KIAA1549: variants seen among roughly 807,000 people sequenced by gnomAD.
KIAA1549 encodes KIAA1549.
KIAA1549 carries 70 observed loss-of-function variants against 156.4 expected under a neutral mutation model. That is an observed-to-expected ratio of 0.45 (90% confidence interval 0.37 to 0.55). The LOEUF is 0.55. Ranked by LOEUF, KIAA1549 falls within the 20% of genes least tolerant of loss-of-function variation. The pLI is 0.00. For missense variants in KIAA1549, 2,428 were observed against 2,540.9 expected (o/e 0.96, Z 0.96); for synonymous variants, 1,103 against 1,066.4 (o/e 1.03, Z -0.67).
At chr7:138,964,726 A>G (rs1015104604) in intron 1 of KIAA1549, among the ~76,000 whole-genome samples, 1 of 152,238 alleles carries the variant, frequency 6.6e-6, no homozygotes, top group African/African-American at 2.4e-5. Flanking sequence ...GACTGGTCAC[A>G]GCCTGTATTA....
At chr7:138,951,359 GTGGTCCTCTCTCCCT>G (rs1813494438) in intron 1 of KIAA1549, among the ~76,000 whole-genome samples, 1 of 152,126 alleles carries the variant, frequency 6.6e-6, no homozygotes, top group South Asian at 2.1e-4. Context: ...TCAAACATCA[GTGGTCCTCTCTCCCT>G]AGCACAGTTT....
At chr7:138,889,438 G>C (rs182989629) in intron 10 of KIAA1549, among the ~76,000 whole-genome samples, 32 of 152,236 alleles carry the variant, frequency 2.1e-4, no homozygotes, top group Non-Finnish European at 2.8e-4. Context: ...ATGAAACATC[G>C]AGCAGTTAAT....
At chr7:138,888,594 T>A (rs1383107934) in intron 10 of KIAA1549, among the ~76,000 whole-genome samples, 1 of 152,236 alleles carries the variant, frequency 6.6e-6, no homozygotes, top group African/African-American at 2.4e-5. Flanking sequence ...ACTAGTCGAA[T>A]ATTTTTTCCT....
chr7:138,908,082 C>A (rs1159917330), intron 5 of KIAA1549, among the ~76,000 whole-genome samples: 1 of 152,104 alleles, frequency 6.6e-6, no homozygotes, highest in Non-Finnish European at 1.5e-5. Context: ...AGAAAGAGAT[C>A]CCCACAGCTC....
chr7:138,912,188 C>T (rs1812188206), intron 3 of KIAA1549, among the ~76,000 whole-genome samples, 184 bp downstream of exon 3: 1 of 152,178 alleles, frequency 6.6e-6, no homozygotes, highest in South Asian at 2.1e-4. Context: ...TCAGGAAAGA[C>T]CTCCTCGATG....
intron 1 of KIAA1549, among the ~76,000 whole-genome samples, chr7:138,921,283 T>C (rs1287531234): frequency 6.6e-6 from 1 of 152,210 alleles, no homozygotes; most frequent in African/African-American, 2.4e-5. Context: ...CTTTCCCTTT[T>C]CCCTGTTGAA....
intron 1 of KIAA1549, among the ~76,000 whole-genome samples, chr7:138,942,465 C>G (rs983606274): frequency 6.6e-6 from 1 of 151,374 alleles, no homozygotes; most frequent in Non-Finnish European, 1.5e-5. Flanking sequence ...GCACCATGAC[C>G]GCATGGGGAT....
rs1487714135 is a variant in KIAA1549 at position 138,835,608 on chromosome 7, A to T, written c.*2298T>A. The T allele has an allele frequency of 4.5e-6, 1 of 222,910 alleles. No homozygotes were observed. The highest frequency in any genetic ancestry group is 6.5e-5 in the East Asian group (1 of 15,358). 13.8% of individuals were successfully genotyped at this position (222,910 alleles called of 1,614,324 possible). On this transcript the variant is annotated 3_prime_UTR_variant, in exon 20 of 20. Coordinates refer to ENST00000422774, the MANE Select transcript of KIAA1549 (RefSeq NM_001164665.2). ...GGCCATTTATCCCGTTTGCTGTCAC[A>T]CGATTTGAATTCATTACAAGGTGTC...
At chr7:138,953,286 G>A (rs373996948) in intron 1 of KIAA1549, among the ~76,000 whole-genome samples, 1 of 152,178 alleles carries the variant, frequency 6.6e-6, no homozygotes, top group South Asian at 2.1e-4. Flanking sequence ...AACCCGGGAG[G>A]TGGAGGCTGC....
Position 138,917,332 on chromosome 7 carries a change from G to A in KIAA1549, c.2294C>T (p.Ala765Val), listed in dbSNP as rs2130478140. ...GCCGGGGGGCACCAGTGCAGTGACT[G>A]CGGATTCATGGGAAATGAGTGAAGA... ...LESSLISHES[A>V]VTALVPPGSE... The change falls in exon 2 of 20, where the codon GCA becomes GTA. Residue 765 changes from alanine (A) to valine (V), a missense_variant. Physicochemically the swap from Ala to Val is moderately conservative, Grantham distance 64. Transcript: ENST00000422774. The A allele has an allele frequency of 1.9e-6, 3 of 1,613,952 alleles. No homozygotes were observed. Among genetic ancestry groups the A allele is most frequent in the South Asian group, 2.2e-5 (2 of 91,066 alleles).
chr7:138,906,879 G>T, intron 6 of KIAA1549, 40 bp downstream of exon 6: 1 of 1,345,928 alleles, frequency 7.4e-7, no homozygotes, highest in Non-Finnish European at 9.7e-7. Context: ...AAAAATGCCC[G>T]CCATCACCTC....
chr7:138,860,003 G>A (rs1810506556), intron 16 of KIAA1549, among the ~76,000 whole-genome samples: 1 of 152,202 alleles, frequency 6.6e-6, no homozygotes, highest in South Asian at 2.1e-4. Flanking sequence ...CCTAAGCAGA[G>A]TGCCTGCGAC....
At position 138,938,536 on chromosome 7, in the gene KIAA1549, G is replaced by T. The variant is rs566721073; in HGVS notation, c.188-19098C>A. ...AGTGTCTATAATTATAACTTATCTC[G>T]GTTTATTTGAGGGTTCTGTGGGACT... On this transcript the variant is annotated intron_variant, in intron 1 of 19. Coordinates refer to ENST00000422774, the MANE Select transcript of KIAA1549 (RefSeq NM_001164665.2). Among the ~76,000 whole-genome samples, 4 of 152,008 alleles carry T rather than the reference G, an allele frequency of 2.6e-5. No individual in the cohort carries two copies. In the South Asian group the frequency reaches 8.3e-4, roughly 31 times the overall value.
At chr7:138,956,419 A>C (rs929123006) in intron 1 of KIAA1549, among the ~76,000 whole-genome samples, 2 of 152,316 alleles carry the variant, frequency 1.3e-5, no homozygotes, top group African/African-American at 4.8e-5. Flanking sequence ...GCTGTGTCCC[A>C]CCCAAATCTC....
At chr7:138,915,991 T>C (rs1260230774) in intron 2 of KIAA1549, among the ~76,000 whole-genome samples, 1 of 152,248 alleles carries the variant, frequency 6.6e-6, no homozygotes, top group African/African-American at 2.4e-5. Context: ...GGGAAGCTGC[T>C]GGCCAGTCTG....
intron 17 of KIAA1549, among the ~76,000 whole-genome samples, chr7:138,848,491 A>T (rs962778894): frequency 2.0e-5 from 3 of 152,214 alleles, no homozygotes; most frequent in African/African-American, 7.2e-5. Context: ...ATGCTAAATC[A>T]TCCTTACACT....
At position 138,895,880 on chromosome 7, in the gene KIAA1549, C is replaced by A. The variant is rs748082041; in HGVS notation, c.3848-1354G>T. Among the ~76,000 whole-genome samples, 6 of 152,168 alleles carry A rather than the reference C, an allele frequency of 3.9e-5. No homozygotes were observed. In the Middle Eastern group the frequency reaches 0.017, roughly 431 times the overall value. ...ACCTTTGAAACATGACTCATCGAAACGGCATTATTTAAGCTACCAGTTGTC... is the reference window on the plus strand; with the variant it reads ...ACCTTTGAAACATGACTCATCGAAAAGGCATTATTTAAGCTACCAGTTGTC... On this transcript the variant is annotated intron_variant, in intron 9 of 19. Transcript: ENST00000422774.
intron 1 of KIAA1549, among the ~76,000 whole-genome samples, chr7:138,937,422 C>T (rs887634360): frequency 6.6e-6 from 1 of 152,334 alleles, no homozygotes; most frequent in East Asian, 1.9e-4. Flanking sequence ...ATGAGTCCAA[C>T]AAACACCTAC....
chr7:138,905,227 T>C (rs1282337997), intron 6 of KIAA1549, 146 bp from the exon 7 acceptor site: 8 of 631,182 alleles, frequency 1.3e-5, no homozygotes, highest in African/African-American at 3.7e-5. Context: ...ACGTGGACAG[T>C]AGCCATTTCT....
Sources: gnomAD v4.1 joint callset for allele counts (sites outside exome capture counted in the v4.1 genomes callset) on GRCh38, gnomAD v4.1.1 for gene constraint, MANE v1.5 for transcripts, NCBI Gene and HGNC (gene_info 2026-07-23, HGNC 2026-07-21) for gene names.